The following FBXO38 variants were observed in gnomAD, a reference collection of about 807,000 sequenced individuals.
FBXO38 encodes F-box protein 38.
FBXO38 carries 53 observed loss-of-function variants against 131.9 expected under a neutral mutation model. The observed-to-expected ratio is 0.40, with a 90% CI of 0.32 to 0.51. The LOEUF is 0.51. Among genes scored for constraint, FBXO38 ranks in the 20% least tolerant of loss-of-function variants. The pLI is 0.53. For missense variants in FBXO38, 1,076 were observed against 1,475.6 expected (o/e 0.73, Z 4.44); for synonymous variants, 452 against 505.6 (o/e 0.89, Z 1.42).
At chr5:148,407,901 G>T (rs894320093) in intron 7 of FBXO38, among the ~76,000 whole-genome samples, 1 of 151,856 alleles carries the variant, frequency 6.6e-6, no homozygotes, top group African/African-American at 2.4e-5. Context: ...CTCCAGCCTG[G>T]GTGAGAGAGT....
intron 19 of FBXO38, among the ~76,000 whole-genome samples, chr5:148,440,034 A>G (rs1561549432): frequency 6.6e-6 from 1 of 152,214 alleles, no homozygotes; most frequent in African/African-American, 2.4e-5. Flanking sequence ...TTGCACATGT[A>G]CTTGTAACAT....
At chr5:148,426,322 T>C (rs1753712738) in intron 14 of FBXO38, among the ~76,000 whole-genome samples, 1 of 152,202 alleles carries the variant, frequency 6.6e-6, no homozygotes, top group Non-Finnish European at 1.5e-5. Context: ...CATTTTTCCT[T>C]GGGTACCCTT....
rs1009229763 is a variant in FBXO38, at chr5:148,383,958, A to C, written c.-145A>C. On this transcript the variant is annotated 5_prime_UTR_variant, in exon 1 of 22. Transcript: ENST00000340253. ...ATATGCGAGCGGCGGCGGAAGCGGAAGTGCCTCAGCGGTAGGGGCCGGGGA... is the reference window on the plus strand; with the variant it reads ...ATATGCGAGCGGCGGCGGAAGCGGACGTGCCTCAGCGGTAGGGGCCGGGGA... The C allele has an allele frequency of 5.2e-5, 8 of 153,296 alleles. No homozygotes were observed. The highest frequency in any genetic ancestry group is 1.9e-4 in the African/African-American group (8 of 41,482). 9.5% of individuals were successfully genotyped at this position (153,296 alleles called of 1,614,324 possible).
intron 5 of FBXO38, among the ~76,000 whole-genome samples, chr5:148,404,105 G>C (rs1324408606): frequency 1.3e-5 from 2 of 152,162 alleles, no homozygotes; most frequent in Non-Finnish European, 2.9e-5. Flanking sequence ...GCTTTTCTCA[G>C]AGCCATGCTG....
At chr5:148,410,815 T>G (rs1211878091) in intron 9 of FBXO38, 50 bp downstream of exon 9, 1 of 1,534,182 alleles carries the variant, frequency 6.5e-7, no homozygotes, top group Non-Finnish European at 8.8e-7. Flanking sequence ...GAAATTTACT[T>G]GACAAACTGA....
At chr5:148,440,559 T>A (rs1168499401) in intron 20 of FBXO38, 32 bp downstream of exon 20, 1 of 1,361,496 alleles carries the variant, frequency 7.3e-7, no homozygotes, top group South Asian at 1.2e-5. Context: ...GAAAGTTAAA[T>A]AGCCTGTGCA....
intron 17 of FBXO38, 37 bp from the exon 18 acceptor site, chr5:148,438,295 G>T: frequency 6.3e-7 from 1 of 1,596,434 alleles, no homozygotes; most frequent in Non-Finnish European, 8.5e-7. Flanking sequence ...CTCCAAAGAT[G>T]ATATGTACGG....
intron 1 of FBXO38, among the ~76,000 whole-genome samples, chr5:148,388,176 TTTC>T (rs1758015913): frequency 6.6e-6 from 1 of 152,186 alleles, no homozygotes; most frequent in Non-Finnish European, 1.5e-5. Context: ...AAAGGAAACT[TTTC>T]TGAGCAGTAG....
chr5:148,406,234 C>G, intron 6 of FBXO38, 23 bp from the exon 7 acceptor site: 3 of 1,537,912 alleles, frequency 2.0e-6, no homozygotes, highest in Non-Finnish European at 2.6e-6. Flanking sequence ...ATTGTTCTAT[C>G]AAAGATTTTT....
intron 12 of FBXO38, among the ~76,000 whole-genome samples, chr5:148,419,490 T>C (rs2113599713): frequency 6.6e-6 from 1 of 152,342 alleles, no homozygotes; most frequent in East Asian, 1.9e-4. Context: ...AACAGTTGAC[T>C]AATATTGATG....
At chr5:148,386,949 C>A (rs1248631222) in intron 1 of FBXO38, among the ~76,000 whole-genome samples, 8 of 151,822 alleles carry the variant, frequency 5.3e-5, no homozygotes, top group African/African-American at 1.9e-4. Context: ...TTCAGCGAGT[C>A]ATAATATTTT....
intron 19 of FBXO38, among the ~76,000 whole-genome samples, chr5:148,440,067 AAG>A (rs146201553): frequency 0.011 from 1,702 of 152,362 alleles, 27 homozygotes; most frequent in African/African-American, 0.039. Flanking sequence ...GGGCATGAAA[AAG>A]AGATCAACTT....
intron 15 of FBXO38, among the ~76,000 whole-genome samples, chr5:148,429,264 C>A (rs1050241173): frequency 2.6e-5 from 4 of 151,522 alleles, no homozygotes. Context: ...TCTTCTTATT[C>A]CTTTATTCAT....
At chr5:148,402,219 C>A in intron 4 of FBXO38, 74 bp downstream of exon 4, 1 of 1,551,302 alleles carries the variant, frequency 6.4e-7, no homozygotes, top group South Asian at 1.2e-5. Context: ...TAGACGTGTT[C>A]ACTCACATGC....
At chr5:148,399,371 G>T (rs574785670) in intron 3 of FBXO38, 2 of 478,818 alleles carry the variant, frequency 4.2e-6, no homozygotes, top group East Asian at 3.6e-5. Context: ...ATATCAGCCT[G>T]TTCCACACAT....
rs1014349605 is a variant in FBXO38, at chr5:148,433,481, C to A, written c.2711C>A (p.Ser904Tyr). Reference sequence around the variant, plus strand: ...AAACGGAAGCGGACAGCAGATAAATCCACTAGTACAAGTGATCCTGTGATC... The same window carrying A: ...AAACGGAAGCGGACAGCAGATAAATACACTAGTACAAGTGATCCTGTGATC... ...AMKRKRTADKSTSTSDPVIED... is the reference protein window; with the variant it reads ...AMKRKRTADKYTSTSDPVIED... Residue 904 changes from serine (S) to tyrosine (Y), a missense_variant, in exon 16 of 22, where the codon TCC becomes TAC. Coordinates refer to ENST00000340253, the MANE Select transcript of FBXO38 (RefSeq NM_205836.3). 3.1e-5 allele frequency: 50 copies of A among 1,613,710 alleles called. No homozygotes were observed. Among genetic ancestry groups the A allele is most frequent in the Non-Finnish European group, 4.1e-5 (48 of 1,179,890 alleles).
intron 12 of FBXO38, among the ~76,000 whole-genome samples, chr5:148,417,559 A>C (rs1753134213): frequency 6.6e-6 from 1 of 152,168 alleles, no homozygotes; most frequent in South Asian, 2.1e-4. Context: ...GAACATTAAG[A>C]CCATTTCTGG....
intron 15 of FBXO38, among the ~76,000 whole-genome samples, chr5:148,431,145 A>G (rs1432480468): frequency 1.3e-5 from 2 of 152,234 alleles, no homozygotes; most frequent in Non-Finnish European, 2.9e-5. Flanking sequence ...CATGTCTTAC[A>G]CATGGAATGG....
chr5:148,414,209 T>C lies in FBXO38; in HGVS notation c.1167T>C (p.Asp389=). 1 of 1,612,004 alleles carries C rather than the reference T, an allele frequency of 6.2e-7. No homozygotes were observed. Among genetic ancestry groups the C allele is most frequent in the Non-Finnish European group, 8.5e-7 (1 of 1,178,574 alleles). Residue 389 remains aspartate (D), a synonymous_variant, in exon 10 of 22, where the codon GAT becomes GAC. Transcript: ENST00000340253. ...DVVENPGIIT[D]IGMKAVNEVF... Reference sequence around the variant, plus strand: ...TAGAAAATCCTGGTATCATCACTGATATAGGGATGAAAGCAGTCAATGAAG... The same window carrying C: ...TAGAAAATCCTGGTATCATCACTGACATAGGGATGAAAGCAGTCAATGAAG...
Sources: allele counts gnomAD v4.1 joint callset (sites outside exome capture counted in the v4.1 genomes callset), GRCh38; gene constraint gnomAD v4.1.1; transcripts MANE v1.5; gene names NCBI Gene and HGNC (gene_info 2026-07-23, HGNC 2026-07-21).